RADIL: variants seen among roughly 807,000 people sequenced by gnomAD.
RADIL encodes Rap associating with DIL domain.
In RADIL, 99 loss-of-function variants were observed where a neutral mutation model predicts 97.6. The ratio of observed to expected loss-of-function variants is 1.01; its 90% CI spans 0.86 to 1.20. The LOEUF is 1.20. RADIL is among the 50% of genes most tolerant of loss of function. The pLI, the probability that RADIL is intolerant of heterozygous loss-of-function variation, is 0.00. For synonymous variants in RADIL, 803 were observed against 691.8 expected (o/e 1.16, Z -2.52); for missense variants, 1,765 against 1,498.9 (o/e 1.18, Z -2.93).
rs1782719815 is a variant in RADIL at position 4,817,885 on chromosome 7, G to A, written c.1616-534C>T. The stretch of plus-strand genomic sequence containing the variant: ...GAGGCTGGGGGGAGCTGCCCACGGA[G>A]TGGTTCCTGCCGTCTGGGTGGGGGC... On this transcript the variant is annotated intron_variant, in intron 6 of 14. Coordinates refer to ENST00000399583, the MANE Select transcript of RADIL (RefSeq NM_018059.5). This position sits in a 1 kb window ranked among gnomAD's most constrained non-coding sequence, Gnocchi z 8.3. Among the ~76,000 whole-genome samples the A allele has an allele frequency of 6.6e-6, 1 of 152,228 alleles. No homozygotes were observed. Among genetic ancestry groups the A allele is most frequent in the Non-Finnish European group, 1.5e-5 (1 of 68,040 alleles).
At chr7:4,803,844 G>A (rs1053840697) in intron 10 of RADIL, 90 bp from the exon 11 acceptor site, 2 of 1,227,912 alleles carry the variant, frequency 1.6e-6, no homozygotes, top group Admixed American at 2.0e-5. Flanking sequence ...GAACCCAGGG[G>A]CCAGCAGATT....
In RADIL at chr7:4,802,001, G is replaced by A. The variant is rs112656167; in HGVS notation, c.2500-6C>T. On this transcript the variant is annotated splice_region_variant and splice_polypyrimidine_tract_variant and intron_variant, in intron 11 of 14. Coordinates refer to ENST00000399583, the MANE Select transcript of RADIL (RefSeq NM_018059.5). ...AGGACCACGTGGTGCATACCCTAGG[G>A]AGAGGAAGGGTGACAGCTCAGGTAG... 2.5e-5 allele frequency: 38 copies of A among 1,497,376 alleles called. 1 individual carries two copies. In the African/African-American group the frequency reaches 2.9e-4, roughly 12 times the overall value. 92.8% of individuals were successfully genotyped at this position (1,497,376 alleles called of 1,614,324 possible).
In RADIL at chr7:4,822,221, C is replaced by T. The variant is rs1046178060; in HGVS notation, c.1615+173G>A. Among the ~76,000 whole-genome samples the T allele has an allele frequency of 3.3e-5, 5 of 152,190 alleles. No homozygotes were observed. Among genetic ancestry groups the T allele is most frequent in the Admixed American group, 1.3e-4 (2 of 15,280 alleles). ...ACTGGCCCGTGCCACCAGCACCAGC[C>T]TCACAGGCCGTCCCCGAGCAACTGA... On this transcript the variant is annotated intron_variant, in intron 6 of 14. Transcript: ENST00000399583. The surrounding 1 kb of genome is among the most constrained non-coding windows in gnomAD (Gnocchi z 5.3).
chr7:4,856,330 G>A (rs574613310), intron 2 of RADIL, among the ~76,000 whole-genome samples: 11 of 151,764 alleles, frequency 7.2e-5, no homozygotes, highest in Middle Eastern at 3.4e-3. Context: ...GGCTGATCTC[G>A]AACTCCTGGT....
Position 4,816,223 on chromosome 7 carries a change from C to T in RADIL, c.1966+5G>A. On this transcript the variant is annotated splice_donor_5th_base_variant and intron_variant, in intron 8 of 14. Transcript: ENST00000399583. Reference sequence around the variant, plus strand: ...CGACCCCTCAACCCTGCACGAGGCCCTCACCCCTGTCGAGGAGCTGGTTGA... The same window carrying T: ...CGACCCCTCAACCCTGCACGAGGCCTTCACCCCTGTCGAGGAGCTGGTTGA... 6.2e-7 allele frequency: 1 copy of T among 1,607,560 alleles called. No individual in the cohort carries two copies. The highest frequency in any genetic ancestry group is 1.1e-5 in the South Asian group (1 of 90,848).
At position 4,819,642 on chromosome 7, in the gene RADIL, C is replaced by A. The variant is rs938191886; in HGVS notation, c.1616-2291G>T. On this transcript the variant is annotated intron_variant, in intron 6 of 14. Coordinates refer to ENST00000399583, the MANE Select transcript of RADIL (RefSeq NM_018059.5). This position sits in a 1 kb window ranked among gnomAD's most constrained non-coding sequence, Gnocchi z 5.8. Reference sequence around the variant, plus strand: ...AGAGCTTTGTACAAAACAGTGTTTGCGGAATGACAACAGCCACGTGACCCA... The same window carrying A: ...AGAGCTTTGTACAAAACAGTGTTTGAGGAATGACAACAGCCACGTGACCCA... Among the ~76,000 whole-genome samples the A allele has an allele frequency of 6.6e-6, 1 of 152,168 alleles. No individual in the cohort carries two copies. The highest frequency in any genetic ancestry group is 1.9e-4 in the East Asian group (1 of 5,184).
intron 2 of RADIL, among the ~76,000 whole-genome samples, chr7:4,877,182 A>G (rs988544477): frequency 6.6e-6 from 1 of 152,196 alleles, no homozygotes; most frequent in African/African-American, 2.4e-5. Flanking sequence ...GAAAGTGGTG[A>G]GTTTAAGAGG....
At position 4,854,651 on chromosome 7, in the gene RADIL, G is replaced by A. The variant is rs7385652; in HGVS notation, c.536-18046C>T. ...AAAGGTTGCAGTGAGCCGAGATGGC[G>A]CCACCGCACTCCACCCTGGGCGACA... On this transcript the variant is annotated intron_variant, in intron 2 of 14. Transcript: ENST00000399583. This position sits in a 1 kb window ranked among gnomAD's most constrained non-coding sequence, Gnocchi z 5.1. Among the ~76,000 whole-genome samples the A allele has an allele frequency of 0.33, 50,887 of 151,938 alleles. 9,294 individuals carry two copies. The highest frequency in any genetic ancestry group is 0.48 in the African/African-American group (20,038 of 41,420).
At chr7:4,805,953 G>T in intron 9 of RADIL, 1 of 985,424 alleles carries the variant, frequency 1.0e-6, no homozygotes, top group Non-Finnish European at 1.2e-6. Flanking sequence ...CCCCTGCCCA[G>T]GGAACCCACC....
At chr7:4,881,061 C>T (rs1317688771) in intron 1 of RADIL, among the ~76,000 whole-genome samples, 2 of 142,642 alleles carry the variant, frequency 1.4e-5, no homozygotes, top group African/African-American at 2.7e-5. Flanking sequence ...GATTGCGCCA[C>T]GTCACTCCAG....
In RADIL at chr7:4,849,940, C is replaced by T. The variant is rs1051335982; in HGVS notation, c.536-13335G>A. Among the ~76,000 whole-genome samples, 7 of 129,320 alleles carry T rather than the reference C, an allele frequency of 5.4e-5. No individual in the cohort carries two copies. The highest frequency in any genetic ancestry group is 9.7e-5 in the Non-Finnish European group (6 of 62,002). 84.8% of individuals were successfully genotyped at this position (129,320 alleles called of 152,430 possible). On this transcript the variant is annotated intron_variant, in intron 2 of 14. Coordinates refer to ENST00000399583, the MANE Select transcript of RADIL (RefSeq NM_018059.5). This position sits in a 1 kb window ranked among gnomAD's most constrained non-coding sequence, Gnocchi z 5.4. ...ATGGTGGTTAACACTGGTGATCTTACTACTGATAACATCTTTTCTTGGTGA... is the reference window on the plus strand; with the variant it reads ...ATGGTGGTTAACACTGGTGATCTTATTACTGATAACATCTTTTCTTGGTGA...
Position 4,854,677 on chromosome 7 carries a change from G to T in RADIL, c.536-18072C>A, listed in dbSNP as rs1783786316. 6.6e-6 allele frequency among the ~76,000 whole-genome samples: 1 copy of T among 152,234 alleles called. No individual in the cohort carries two copies. Among genetic ancestry groups the T allele is most frequent in the Non-Finnish European group, 1.5e-5 (1 of 68,048 alleles). On this transcript the variant is annotated intron_variant, in intron 2 of 14. Coordinates refer to ENST00000399583, the MANE Select transcript of RADIL (RefSeq NM_018059.5). This position sits in a 1 kb window ranked among gnomAD's most constrained non-coding sequence, Gnocchi z 5.1. ...CCACCGCACTCCACCCTGGGCGACA[G>T]AGCGAGACTCCGTATCAAAACAAAC...
Position 4,880,884 on chromosome 7 carries a change from G to A in RADIL, c.-64-2681C>T, listed in dbSNP as rs765398596. Among the ~76,000 whole-genome samples, 1 of 152,164 alleles carries A rather than the reference G, an allele frequency of 6.6e-6. No individual in the cohort carries two copies. Among genetic ancestry groups the A allele is most frequent in the African/African-American group, 2.4e-5 (1 of 41,442 alleles). On this transcript the variant is annotated intron_variant, in intron 1 of 14. Transcript: ENST00000399583. The surrounding 1 kb of genome is among the most constrained non-coding windows in gnomAD (Gnocchi z 4.5). ...GGCCAAGGCAGGAGAATGGCTTAAG[G>A]CCAGGAGTTCAAGACTAGCCTGGGC...
intron 9 of RADIL, among the ~76,000 whole-genome samples, chr7:4,812,053 G>A (rs1321731735): frequency 6.6e-6 from 1 of 151,646 alleles, no homozygotes; most frequent in African/African-American, 2.4e-5. Flanking sequence ...TTTTCTGTGT[G>A]TGTTTTTGTA....
chr7:4,859,635 G>T, intron 2 of RADIL: 1 of 434,672 alleles, frequency 2.3e-6, no homozygotes, highest in South Asian at 3.1e-5. Context: ...TCAGTTGGCA[G>T]ATATTGTTCA....
At position 4,816,963 on chromosome 7, in the gene RADIL, C is replaced by T. The variant is rs191649992; in HGVS notation, c.1728+276G>A. Among the ~76,000 whole-genome samples the T allele has an allele frequency of 8.5e-3, 1,300 of 152,276 alleles. 19 individuals carry two copies. The highest frequency in any genetic ancestry group is 0.03 in the African/African-American group (1,246 of 41,542). On this transcript the variant is annotated intron_variant, in intron 7 of 14. Coordinates refer to ENST00000399583, the MANE Select transcript of RADIL (RefSeq NM_018059.5). Reference sequence around the variant, plus strand: ...GGGGCCTCCCCCACCTCATCCCTGACCCTCGAAATACTGGCAGGAAGGGGG... The same window carrying T: ...GGGGCCTCCCCCACCTCATCCCTGATCCTCGAAATACTGGCAGGAAGGGGG...
In RADIL at chr7:4,863,897, G is replaced by A. The variant is rs549725573; in HGVS notation, c.535+13708C>T. Among the ~76,000 whole-genome samples the A allele has an allele frequency of 5.1e-4, 78 of 152,280 alleles. 1 individual carries two copies. The highest frequency in any genetic ancestry group is 1.6e-3 in the African/African-American group (65 of 41,556). ...CAAGACTGGCCAATGCCTCTAGGGC[G>A]GTTCTAGTTTCAGAATCAGCTACAA... On this transcript the variant is annotated intron_variant, in intron 2 of 14. Transcript: ENST00000399583.
intron 5 of RADIL, among the ~76,000 whole-genome samples, chr7:4,828,095 T>G (rs1158933854): frequency 6.6e-6 from 1 of 152,190 alleles, no homozygotes; most frequent in Non-Finnish European, 1.5e-5. Flanking sequence ...TCAAAAGGAC[T>G]GCACGCTGTT....
chr7:4,818,395 C>G lies in RADIL; in HGVS notation c.1616-1044G>C, dbSNP rs983726719. ...ACAAGCCCCTGTCACTTTCGCTCTG[C>G]CGCTCCTGGTGCTCCTCCTTCAGGG... On this transcript the variant is annotated intron_variant, in intron 6 of 14. Transcript: ENST00000399583. The surrounding 1 kb of genome is among the most constrained non-coding windows in gnomAD (Gnocchi z 7.1). Among the ~76,000 whole-genome samples the G allele has an allele frequency of 6.6e-6, 1 of 152,232 alleles. No homozygotes were observed. The highest frequency in any genetic ancestry group is 1.5e-5 in the Non-Finnish European group (1 of 68,036).
Sources: gnomAD v4.1 joint callset for allele counts (sites outside exome capture counted in the v4.1 genomes callset) on GRCh38, gnomAD v4.1.1 for gene constraint, Gnocchi (gnomAD v3.1) non-coding constraint, MANE v1.5 for transcripts, NCBI Gene and HGNC (gene_info 2026-07-23, HGNC 2026-07-21) for gene names.